MMP27: variants seen among roughly 807,000 people sequenced by gnomAD.
MMP27 encodes matrix metalloproteinase-27.
Under a neutral mutation model 48.1 loss-of-function variants are expected in MMP27, and 51 were observed. That is an observed-to-expected ratio of 1.06 (90% confidence interval 0.85 to 1.34). The LOEUF (loss-of-function observed/expected upper bound fraction) is 1.34, where lower values mean the gene tolerates loss of function less well. Ranked by LOEUF, MMP27 falls within the 40% of genes most tolerant of loss-of-function variation. The probability of loss-of-function intolerance (pLI) is 0.00; values close to 1 mark genes in which losing one functional copy is unlikely to be tolerated. For missense variants in MMP27, 698 were observed against 619.3 expected (o/e 1.13, Z -1.35); for synonymous variants, 229 against 208.9 (o/e 1.10, Z -0.83).
rs573775000 is a variant in MMP27 at position 102,694,005 on chromosome 11, T to C, written c.1094A>G (p.His365Arg). 150 of 1,610,406 alleles carry C rather than the reference T, an allele frequency of 9.3e-5. No individual in the cohort carries two copies. In the East Asian group the frequency reaches 3.3e-3, roughly 35 times the overall value. Residue 365 changes from histidine (H) to arginine (R), a missense_variant, in exon 8 of 10, where the codon CAT becomes CGT. Transcript: ENST00000260229. ...CACACGTCCTGGAAAACCTAATGTA[T>C]GGATGGATTTGGGATAATCTGGCAA... ...AVLPDYPKSIHTLGFPGRVKK... is the reference protein window; with the variant it reads ...AVLPDYPKSIRTLGFPGRVKK...
Position 102,695,003 on chromosome 11 carries a change from A to G in MMP27, c.997T>C (p.Tyr333His), listed in dbSNP as rs754381318. The change falls in exon 7 of 10, where the codon TAC (tyrosine) becomes CAC (histidine). Residue 333 changes from tyrosine (Y) to histidine (H), a missense_variant. Tyr to His is a moderately conservative substitution (Grantham distance 83). Coordinates refer to ENST00000260229, the MANE Select transcript of MMP27 (RefSeq NM_022122.3). ...AGAATCTTATCTCTGGGGTTCTCGT[A>G]TGCAGCTTGCAGATCAGCTGGCAGA... ...PSLPADLQAA[Y>H]ENPRDKILVF... The G allele has an allele frequency of 1.2e-6, 2 of 1,613,926 alleles. No individual in the cohort carries two copies. Among genetic ancestry groups the G allele is most frequent in the Admixed American group, 1.7e-5 (1 of 59,976 alleles).
At chr11:102,698,379 G>A (rs890611059) in intron 4 of MMP27, among the ~76,000 whole-genome samples, 1 of 151,926 alleles carries the variant, frequency 6.6e-6, no homozygotes, top group East Asian at 1.9e-4. Context: ...TGATTAAATG[G>A]CACATAACTT....
At chr11:102,696,206 A>G (rs1200978177) in intron 6 of MMP27, among the ~76,000 whole-genome samples, 165 bp downstream of exon 6, 7 of 152,194 alleles carry the variant, frequency 4.6e-5, no homozygotes, top group Non-Finnish European at 7.3e-5. Flanking sequence ...TCAAACAACT[A>G]CAAGAGACAC....
At chr11:102,692,332 G>GC (rs1204989031) in intron 9 of MMP27, among the ~76,000 whole-genome samples, 2 of 152,238 alleles carry the variant, frequency 1.3e-5, no homozygotes, top group East Asian at 3.9e-4. Flanking sequence ...TGTGGATATG[G>GC]CCTTGGTCTC....
chr11:102,692,063 A>G lies in MMP27; in HGVS notation c.1298-53T>C. On this transcript the variant is annotated intron_variant, in intron 9 of 9. Transcript: ENST00000260229. ...TCTTTCATAACTATATAATACTTCC[A>G]TACTTTTAAATTTTATAAACATGGA... is the stretch of plus-strand genomic sequence containing the variant. 2.8e-6 allele frequency: 4 copies of G among 1,416,568 alleles called. 1 individual carries two copies. The South Asian group carries it at 6.5e-5, about 23-fold the overall frequency. 87.7% of individuals were successfully genotyped at this position (1,416,568 alleles called of 1,614,324 possible). A position where few individuals can be genotyped will look rare whatever the true frequency, so the allele number is the denominator to read the frequency against.
chr11:102,705,024 CA>C (rs1448345905), intron 1 of MMP27, among the ~76,000 whole-genome samples: 1 of 152,138 alleles, frequency 6.6e-6, no homozygotes, highest in Non-Finnish European at 1.5e-5. Flanking sequence ...CAGAATTAGC[CA>C]AAGCACGCAG....
chr11:102,692,878 C>G (rs1013303440), intron 9 of MMP27, 60 bp downstream of exon 9: 6 of 1,424,796 alleles, frequency 4.2e-6, no homozygotes, highest in Non-Finnish European at 5.8e-6. Context: ...TTTGTGCTGT[C>G]TTTTTTCACA....
chr11:102,692,826 T>C, intron 9 of MMP27, 112 bp downstream of exon 9: 1 of 799,810 alleles, frequency 1.3e-6, no homozygotes, highest in East Asian at 2.5e-5. Flanking sequence ...TTGTATATAC[T>C]TAAGAGTAGC....
chr11:102,700,867 A>G (rs553637765), intron 4 of MMP27, among the ~76,000 whole-genome samples: 11 of 152,374 alleles, frequency 7.2e-5, no homozygotes, highest in African/African-American at 2.2e-4. Context: ...TCCCGGAGGA[A>G]GCAGCTTAAT....
At chr11:102,702,912 T>A in intron 3 of MMP27, 31 bp from the exon 4 acceptor site, 1 of 1,611,962 alleles carries the variant, frequency 6.2e-7, no homozygotes, top group Non-Finnish European at 8.5e-7. Flanking sequence ...GGAAAAAAGA[T>A]CAGCTTCCTC....
Position 102,704,779 on chromosome 11 carries a change from A to G in MMP27, c.103-4T>C, listed in dbSNP as rs773989379. 3.9e-6 allele frequency: 6 copies of G among 1,556,688 alleles called. No individual in the cohort carries two copies. The Admixed American group carries it at 7.2e-5, about 19-fold the overall frequency. On this transcript the variant is annotated splice_region_variant and splice_polypyrimidine_tract_variant and intron_variant, in intron 1 of 9. Coordinates refer to ENST00000260229, the MANE Select transcript of MMP27 (RefSeq NM_022122.3). The stretch of plus-strand genomic sequence containing the variant: ...AGTAGAACTGGTTGAGATATGCCTG[A>G]CCAAAAAGATAAGAAAAAAAAAAAA...
In MMP27 at chr11:102,693,018, A is replaced by T; in HGVS notation, c.1217T>A (p.Met406Lys). 6.2e-7 allele frequency: 1 copy of T among 1,613,700 alleles called. No individual in the cohort carries two copies. The highest frequency in any genetic ancestry group is 8.5e-7 in the Non-Finnish European group (1 of 1,179,742). ...CACTCTCTGCGGGAACCCTTTGTCC[A>T]TGGTTTGGGTCATTTCATCAAACCT... The part of the protein sequence containing the change: ...CWRFDEMTQT[M>K]DKGFPQRVVK... Residue 406 changes from methionine to lysine, a missense_variant, in exon 9 of 10, where the codon ATG (methionine) becomes AAG (lysine). Coordinates refer to ENST00000260229, the MANE Select transcript of MMP27 (RefSeq NM_022122.3).
intron 7 of MMP27, 95 bp from the exon 8 acceptor site, chr11:102,694,160 C>T (rs1190013211): frequency 1.2e-6 from 1 of 837,520 alleles, no homozygotes; most frequent in Non-Finnish European, 1.8e-6. Context: ...CTTTTAGCTT[C>T]AGTGCTTAGA....
At chr11:102,705,372 CA>C (rs1387598786) in intron 1 of MMP27, among the ~76,000 whole-genome samples, 3 of 152,250 alleles carry the variant, frequency 2.0e-5, no homozygotes, top group Non-Finnish European at 4.4e-5. Flanking sequence ...TCGCACTAAA[CA>C]TCCCTTCATT....
rs145824422 is a variant in MMP27, at chr11:102,691,992, C to T, written c.1316G>A (p.Arg439His). 3.3e-5 allele frequency: 53 copies of T among 1,602,592 alleles called. No homozygotes were observed. Among genetic ancestry groups the T allele is most frequent in the African/African-American group, 2.1e-4 (16 of 74,522 alleles). ...GTCGTATTCAAATTGCTTTGATCCA[C>T]GGCTGAAAAAGAAGAATCCTAGAGA... The part of the protein sequence containing the change: ...FQYKGFFFFS[R>H]GSKQFEYDIK... The change falls in exon 10 of 10, where the codon CGT becomes CAT. Residue 439 changes from arginine to histidine, a missense_variant. Transcript: ENST00000260229.
chr11:102,694,977 C>G lies in MMP27; in HGVS notation c.1023G>C (p.Leu341=). 6.2e-7 allele frequency: 1 copy of G among 1,613,786 alleles called. No individual in the cohort carries two copies. ...GATGGGCCAGGTTACCTTTAAAAAC[C>G]AGAATCTTATCTCTGGGGTTCTCGT... ...AAYENPRDKI[L]VFKDENFWMI... is the part of the protein sequence containing the mutation. The change falls in exon 7 of 10, where the codon CTG becomes CTC. Residue 341 remains leucine, a synonymous_variant. Coordinates refer to ENST00000260229, the MANE Select transcript of MMP27 (RefSeq NM_022122.3).
intron 8 of MMP27, 105 bp downstream of exon 8, chr11:102,693,801 T>A (rs1270751575): frequency 3.9e-6 from 4 of 1,027,934 alleles, no homozygotes; most frequent in Non-Finnish European, 5.4e-6. Flanking sequence ...AATAAAAAAA[T>A]AAAAAATATT....
chr11:102,704,408 TA>T, intron 2 of MMP27, 128 bp downstream of exon 2: 1 of 748,388 alleles, frequency 1.3e-6, no homozygotes, highest in Non-Finnish European at 2.3e-6. Context: ...GAAGATACCG[TA>T]AATGGAGCCT....
intron 4 of MMP27, among the ~76,000 whole-genome samples, chr11:102,700,369 G>T (rs1860917339): frequency 1.3e-5 from 2 of 152,284 alleles, no homozygotes; most frequent in African/African-American, 4.8e-5. Flanking sequence ...CTTATGCCTA[G>T]AATGTAATTC....
Sources: gnomAD v4.1 joint callset for allele counts (sites outside exome capture counted in the v4.1 genomes callset) on GRCh38, gnomAD v4.1.1 for gene constraint, MANE v1.5 for transcripts, NCBI Gene and HGNC (gene_info 2026-07-23, HGNC 2026-07-21) for gene names.